Variants in ZBTB7C observed in about 807,000 individuals in gnomAD.
The protein encoded by ZBTB7C is zinc finger and BTB domain containing 7C.
A neutral mutation model predicts 25.7 loss-of-function variants in ZBTB7C; 8 were observed. That is an observed-to-expected ratio of 0.31 (90% CI 0.18 to 0.56). The LOEUF is 0.56. Ranked by LOEUF, ZBTB7C falls within the 20% of genes least tolerant of loss-of-function variation. The probability of loss-of-function intolerance (pLI) is 0.91; values close to 1 mark genes in which losing one functional copy is unlikely to be tolerated. For missense variants in ZBTB7C, 824 were observed against 855.2 expected (o/e 0.96, Z 0.46); for synonymous variants, 394 against 369.0 (o/e 1.07, Z -0.78).
intron 3 of ZBTB7C, among the ~76,000 whole-genome samples, chr18:48,047,585 T>A (rs975735634): frequency 6.6e-6 from 1 of 152,166 alleles, no homozygotes; most frequent in Non-Finnish European, 1.5e-5. Context: ...CCCCTGGGCC[T>A]CTGCCTTCAG....
intron 2 of ZBTB7C, among the ~76,000 whole-genome samples, chr18:48,190,816 C>T (rs546145840): frequency 6.6e-6 from 1 of 152,246 alleles, no homozygotes; most frequent in East Asian, 1.9e-4. Flanking sequence ...AAAGATCCCC[C>T]CTCTCAGCAG....
intron 2 of ZBTB7C, among the ~76,000 whole-genome samples, chr18:48,271,347 A>C (rs907707624): frequency 1.3e-5 from 2 of 152,088 alleles, no homozygotes; most frequent in African/African-American, 4.8e-5. Context: ...TATTTTTAAA[A>C]GTCTCAAATC....
chr18:48,112,561 T>C (rs1174729615), intron 3 of ZBTB7C, among the ~76,000 whole-genome samples: 1 of 152,150 alleles, frequency 6.6e-6, no homozygotes, highest in African/African-American at 2.4e-5. Flanking sequence ...TTGGCCAGGC[T>C]AGTCTTGAAC....
chr18:48,270,646 C>T (rs1384788653), intron 2 of ZBTB7C, among the ~76,000 whole-genome samples: 2 of 148,266 alleles, frequency 1.3e-5, no homozygotes, highest in African/African-American at 5.0e-5. Flanking sequence ...GCCAAGATTG[C>T]ACCACTGCAC....
At chr18:48,361,638 G>C (rs540272775) in intron 1 of ZBTB7C, among the ~76,000 whole-genome samples, 35 of 152,308 alleles carry the variant, frequency 2.3e-4, no homozygotes, top group African/African-American at 7.7e-4. Flanking sequence ...AGAGGGCAGT[G>C]GGTCTCAACC....
intron 1 of ZBTB7C, among the ~76,000 whole-genome samples, chr18:48,388,759 A>G (rs2047809568): frequency 6.6e-6 from 1 of 152,222 alleles, no homozygotes; most frequent in Admixed American, 6.5e-5. Flanking sequence ...AGAAAAAAAT[A>G]AAAATAAAAA....
At position 48,235,380 on chromosome 18, in the gene ZBTB7C, T is replaced by C. The variant is rs558811448; in HGVS notation, c.-78-49385A>G. On this transcript the variant is annotated intron_variant, in intron 2 of 4. Transcript: ENST00000590800. ...GAATACTTAACTTGAAGTCCAAAAT[T>C]AATACCACTACATTTTCTTCACCAA... is the stretch of plus-strand genomic sequence containing the variant. 1.3e-4 allele frequency among the ~76,000 whole-genome samples: 20 copies of C among 152,350 alleles called. 1 individual carries two copies. Among genetic ancestry groups the C allele is most frequent in the African/African-American group, 4.6e-4 (19 of 41,592 alleles).
intron 3 of ZBTB7C, among the ~76,000 whole-genome samples, chr18:48,167,597 T>TGTGTGTGTGCGCGC (rs779870966): frequency 2.0e-5 from 3 of 148,044 alleles, no homozygotes; most frequent in African/African-American, 7.4e-5. Context: ...TGTGTGTGTG[T>TGTGTGTGTGCGCGC]GCGCGCGTGC....
In ZBTB7C at chr18:48,228,962, C is replaced by T. The variant is rs1040833255; in HGVS notation, c.-78-42967G>A. ...ACTCCAGCTGGCTCTCCAGTGGCAG[C>T]CACAGAGCCTCGAACCATCTGGAAA... On this transcript the variant is annotated intron_variant, in intron 2 of 4. Transcript: ENST00000590800. Among the ~76,000 whole-genome samples, 4 of 152,244 alleles carry T rather than the reference C, an allele frequency of 2.6e-5. No homozygotes were observed. The East Asian group carries it at 7.7e-4, about 29-fold the overall frequency.
intron 1 of ZBTB7C, among the ~76,000 whole-genome samples, chr18:48,352,819 G>A (rs1019251432): frequency 3.9e-5 from 6 of 152,106 alleles, no homozygotes; most frequent in South Asian, 2.1e-4. Flanking sequence ...GCTGAAAGGC[G>A]CAGGGGGTAG....
chr18:48,155,305 T>C (rs1453218622), intron 3 of ZBTB7C, among the ~76,000 whole-genome samples: 1 of 149,134 alleles, frequency 6.7e-6, no homozygotes, highest in African/African-American at 2.5e-5. Context: ...GGATTCCCTG[T>C]AACTGTAATA....
intron 3 of ZBTB7C, among the ~76,000 whole-genome samples, chr18:48,125,744 AG>A (rs1349181252): frequency 6.6e-6 from 1 of 152,196 alleles, no homozygotes; most frequent in Non-Finnish European, 1.5e-5. Context: ...GCCCCTCATT[AG>A]GTGGCTCCAG....
Position 48,044,344 on chromosome 18 carries a change from A to G in ZBTB7C, c.-16-3221T>C, listed in dbSNP as rs73953662. On this transcript the variant is annotated intron_variant, in intron 3 of 4. Coordinates refer to ENST00000590800, the MANE Select transcript of ZBTB7C (RefSeq NM_001318841.2). ...ACCTCCTACATCTCCACATCCTCCC[A>G]TGCTGGATGAGGAGAGAAGCTCCTA... Among the ~76,000 whole-genome samples the G allele has an allele frequency of 7.1e-3, 1,085 of 152,290 alleles. 13 individuals carry two copies. Among genetic ancestry groups the G allele is most frequent in the African/African-American group, 0.025 (1,040 of 41,568 alleles).
chr18:48,289,265 A>G (rs569752609), intron 2 of ZBTB7C, among the ~76,000 whole-genome samples: 3 of 152,310 alleles, frequency 2.0e-5, no homozygotes, highest in African/African-American at 7.2e-5. Flanking sequence ...CATGTTATTC[A>G]CATCTAGTCT....
intron 3 of ZBTB7C, among the ~76,000 whole-genome samples, chr18:48,079,294 T>A (rs1323375070): frequency 6.6e-6 from 1 of 152,172 alleles, no homozygotes; most frequent in Non-Finnish European, 1.5e-5. Context: ...TATTATGGGG[T>A]CCATGGTGCC....
At chr18:48,096,840 C>G (rs567636122) in intron 3 of ZBTB7C, among the ~76,000 whole-genome samples, 1 of 152,298 alleles carries the variant, frequency 6.6e-6, no homozygotes, top group South Asian at 2.1e-4. Flanking sequence ...CAACAGTTAT[C>G]AAAGTTTGTG....
At chr18:48,292,989 AT>A (rs571599519) in intron 2 of ZBTB7C, among the ~76,000 whole-genome samples, 2 of 152,198 alleles carry the variant, frequency 1.3e-5, no homozygotes, top group Non-Finnish European at 2.9e-5. Context: ...CTCCCTTAGA[AT>A]ATCAGCTCCT....
At chr18:48,374,527 G>C (rs1310110092) in intron 1 of ZBTB7C, among the ~76,000 whole-genome samples, 1 of 152,178 alleles carries the variant, frequency 6.6e-6, no homozygotes. Context: ...GCAGCTTTGA[G>C]CACTGGCAAG....
intron 1 of ZBTB7C, among the ~76,000 whole-genome samples, chr18:48,374,624 A>T (rs1260615456): frequency 1.3e-5 from 2 of 152,148 alleles, no homozygotes; most frequent in Non-Finnish European, 2.9e-5. Flanking sequence ...ATTTCCACTG[A>T]GCCTCTTATC....
Sources: gnomAD v4.1 joint callset for allele counts (sites outside exome capture counted in the v4.1 genomes callset) on GRCh38, gnomAD v4.1.1 for gene constraint, MANE v1.5 for transcripts, NCBI Gene and HGNC (gene_info 2026-07-23, HGNC 2026-07-21) for gene names.